ABCC8: variants seen among roughly 807,000 people sequenced by gnomAD.
The protein encoded by ABCC8 is ATP-binding cassette sub-family C member 8.
Under a neutral mutation model 188.0 loss-of-function variants are expected in ABCC8, and 137 were observed. That is an observed-to-expected ratio of 0.73 (90% CI 0.63 to 0.84). The LOEUF is 0.84. ABCC8 is among the 40% of genes least tolerant of loss of function. The pLI is 0.00. For synonymous variants in ABCC8, 797 were observed against 846.5 expected, an observed-to-expected ratio of 0.94 and a Z score of 1.01; for missense variants, 1,750 against 2,072.7, an observed-to-expected ratio of 0.84 and a Z score of 3.02.
intron 6 of ABCC8, among the ~76,000 whole-genome samples, chr11:17,454,204 G>C (rs1956912055): frequency 6.6e-6 from 1 of 152,124 alleles, no homozygotes; most frequent in Non-Finnish European, 1.5e-5. Context: ...TCCACAATCA[G>C]AATCAGGCAG....
intron 10 of ABCC8, chr11:17,435,631 G>A (rs774060332): frequency 5.7e-6 from 8 of 1,396,558 alleles, no homozygotes; most frequent in South Asian, 1.2e-5. Flanking sequence ...ATGGGTGAAT[G>A]TAATAATGTG....
rs748433658 is a variant in ABCC8, at chr11:17,463,536, C to T, written c.481G>A (p.Ala161Thr). 5 of 1,597,366 alleles carry T rather than the reference C, an allele frequency of 3.1e-6. No individual in the cohort carries two copies. The highest frequency in any genetic ancestry group is 3.4e-6 in the Non-Finnish European group (4 of 1,172,020). Residue 161 changes from alanine (A) to threonine (T), a missense_variant, in exon 4 of 39, where the codon GCC (alanine) becomes ACC (threonine). Coordinates refer to ENST00000389817, the MANE Select transcript of ABCC8 (RefSeq NM_000352.6). ...TIKFVKFLDH[A>T]IGFSQLRFCL... ...AAGCGTAGCTGCGAGAAGCCGATGG[C>T]GTGGTCCAAGAACTTGACAAACTTG...
intron 3 of ABCC8, among the ~76,000 whole-genome samples, chr11:17,466,936 G>A (rs904675502): frequency 1.3e-5 from 2 of 152,102 alleles, no homozygotes; most frequent in African/African-American, 4.8e-5. Flanking sequence ...AAGGTGCTGG[G>A]ATTACAGGCA....
In ABCC8 at chr11:17,397,544, C is replaced by T. The variant is rs1273780496; in HGVS notation, c.3867+140G>A. On this transcript the variant is annotated intron_variant, in intron 31 of 38. Transcript: ENST00000389817. ...GCCCTGGGGCCTGCTGGTCAGCCTT[C>T]CTGCCCGCACTGTCCCTCTGGCATC... The T allele has an allele frequency of 6.3e-6, 9 of 1,429,424 alleles. No individual in the cohort carries two copies. The East Asian group carries it at 7.4e-5, about 12-fold the overall frequency. The allele number at this position is 1,429,424 out of a possible 1,614,324, so 88.5% of individuals were successfully genotyped here.
chr11:17,471,075 G>T (rs555663217), intron 2 of ABCC8, among the ~76,000 whole-genome samples: 2 of 152,360 alleles, frequency 1.3e-5, no homozygotes, highest in South Asian at 4.1e-4. Flanking sequence ...TTCTGCTCCA[G>T]CCCTGTGGTA....
chr11:17,466,554 C>T (rs11024296), intron 3 of ABCC8, among the ~76,000 whole-genome samples: 55,221 of 151,908 alleles, frequency 0.36, 10,262 homozygotes, highest in Middle Eastern at 0.46. Flanking sequence ...GAGTTTCAAC[C>T]TGGGAAGATG....
chr11:17,469,234 G>A (rs1026720580), intron 3 of ABCC8, among the ~76,000 whole-genome samples: 2 of 152,030 alleles, frequency 1.3e-5, no homozygotes, highest in Non-Finnish European at 2.9e-5. Context: ...TGGGACCACC[G>A]ATGCGTGCCA....
chr11:17,456,418 C>G (rs972936293), intron 6 of ABCC8, among the ~76,000 whole-genome samples: 1 of 152,132 alleles, frequency 6.6e-6, no homozygotes, highest in South Asian at 2.1e-4. Flanking sequence ...CAGTTTGGAG[C>G]CCCATTGTCT....
At position 17,460,473 on chromosome 11, in the gene ABCC8, C is replaced by G. The variant is rs760589480; in HGVS notation, c.1011+15G>C. ...CATCTAGAGGGTGCCTTACCCTACC[C>G]CTGGGGCTGCCTACCTTGGGCTGGA... On this transcript the variant is annotated intron_variant, in intron 6 of 38. Coordinates refer to ENST00000389817, the MANE Select transcript of ABCC8 (RefSeq NM_000352.6). 4.6e-5 allele frequency: 75 copies of G among 1,613,982 alleles called. No individual in the cohort carries two copies. Among genetic ancestry groups the G allele is most frequent in the Non-Finnish European group, 6.0e-5 (71 of 1,180,038 alleles).
chr11:17,397,172 C>A, intron 32 of ABCC8, 21 bp downstream of exon 32: 1 of 1,613,476 alleles, frequency 6.2e-7, no homozygotes, highest in Non-Finnish European at 8.5e-7. Flanking sequence ...TCTTCCCCAC[C>A]CCTCTCCCTG....
At chr11:17,448,825 A>T in intron 7 of ABCC8, 154 bp from the exon 8 acceptor site, 1 of 633,756 alleles carries the variant, frequency 1.6e-6, no homozygotes, top group South Asian at 7.0e-5. Flanking sequence ...CACCGTTCCA[A>T]CTTACTAGTC....
intron 7 of ABCC8, among the ~76,000 whole-genome samples, chr11:17,449,457 G>A (rs1181779088): frequency 6.6e-6 from 1 of 152,148 alleles, no homozygotes; most frequent in Non-Finnish European, 1.5e-5. Context: ...TGTGTTACAC[G>A]ACCGCGTGAG....
intron 4 of ABCC8, 128 bp downstream of exon 4, chr11:17,463,310 C>T (rs1040170701): frequency 2.0e-5 from 16 of 809,174 alleles, no homozygotes; most frequent in Non-Finnish European, 2.6e-5. Flanking sequence ...CCCCTTTACA[C>T]GGGCGGGTAA....
rs546651475 is a variant in ABCC8 at position 17,455,236 on chromosome 11, C to G, written c.1012-1953G>C. On this transcript the variant is annotated intron_variant, in intron 6 of 38. Transcript: ENST00000389817. ...TGGGAACACTATGCATCCAAGACCA[C>G]TGATTCTCATGAAAGCTCTGGAGAA... 2.6e-5 allele frequency among the ~76,000 whole-genome samples: 4 copies of G among 152,290 alleles called. No individual in the cohort carries two copies. In the South Asian group the frequency reaches 8.3e-4, roughly 32 times the overall value.
chr11:17,435,018 T>TGTGTGTGTGTGTGTG, intron 10 of ABCC8, among the ~76,000 whole-genome samples: 1 of 150,536 alleles, frequency 6.6e-6, no homozygotes, highest in Non-Finnish European at 1.5e-5. Flanking sequence ...TGTGTGTGTG[T>TGTGTGTGTGTGTGTG]TTTGCAAGAA....
intron 6 of ABCC8, among the ~76,000 whole-genome samples, chr11:17,458,439 A>G (rs574991023): frequency 1.3e-5 from 2 of 152,380 alleles, no homozygotes; most frequent in East Asian, 3.8e-4. Flanking sequence ...TCTCCTTAGC[A>G]GAATCCCACA....
At chr11:17,466,858 G>A (rs1463970346) in intron 3 of ABCC8, among the ~76,000 whole-genome samples, 8 of 151,970 alleles carry the variant, frequency 5.3e-5, no homozygotes, top group Non-Finnish European at 4.4e-5. Flanking sequence ...TAGAGACGGG[G>A]TTTTGGCATG....
intron 27 of ABCC8, among the ~76,000 whole-genome samples, chr11:17,405,046 T>A (rs1954449485): frequency 6.6e-6 from 1 of 152,120 alleles, no homozygotes; most frequent in African/African-American, 2.4e-5. Flanking sequence ...GTTACAGGAG[T>A]GAGCCACTGA....
chr11:17,395,473 G>A, intron 35 of ABCC8, 137 bp downstream of exon 35: 1 of 1,463,522 alleles, frequency 6.8e-7, no homozygotes, highest in South Asian at 1.3e-5. Flanking sequence ...GCCTGGGCCT[G>A]ATGGGATGGA....
Sources: gnomAD v4.1 joint callset for allele counts (sites outside exome capture counted in the v4.1 genomes callset) on GRCh38, gnomAD v4.1.1 for gene constraint, MANE v1.5 for transcripts, NCBI Gene and HGNC (gene_info 2026-07-23, HGNC 2026-07-21) for gene names.